SPG11: variants seen among roughly 807,000 people sequenced by gnomAD.
SPG11 encodes spatacsin.
A neutral mutation model predicts 274.0 loss-of-function variants in SPG11; 222 were observed. The observed-to-expected ratio is 0.81, with a 90% CI of 0.73 to 0.91. The LOEUF (loss-of-function observed/expected upper bound fraction) is 0.91. SPG11 is among the 40% of genes least tolerant of loss of function. The pLI is 0.00. For synonymous variants in SPG11, 1,144 were observed against 1,039.7 expected (o/e 1.10, Z -1.93); for missense variants, 3,114 against 2,872.7 (o/e 1.08, Z -1.92).
chr15:44,573,873 G>A, intron 31 of SPG11, 128 bp from the exon 32 acceptor site: 1 of 855,976 alleles, frequency 1.2e-6, no homozygotes, highest in Non-Finnish European at 1.9e-6. Flanking sequence ...ACCCTCAGCA[G>A]GAACCTTAGA....
intron 27 of SPG11, among the ~76,000 whole-genome samples, chr15:44,591,386 G>A (rs1306522846): frequency 6.6e-6 from 1 of 152,000 alleles, no homozygotes; most frequent in East Asian, 1.9e-4. Flanking sequence ...ATCCTCCTGA[G>A]TGTCCTTGTT....
chr15:44,663,242 G>C (rs1005222742), intron 1 of SPG11, 149 bp downstream of exon 1: 2 of 1,070,536 alleles, frequency 1.9e-6, no homozygotes, highest in Middle Eastern at 3.0e-4. Flanking sequence ...AGGAAACCAC[G>C]CTCGCCTCTG....
At chr15:44,594,412 C>A (rs1044347083) in intron 26 of SPG11, among the ~76,000 whole-genome samples, 6 of 151,488 alleles carry the variant, frequency 4.0e-5, no homozygotes, top group African/African-American at 1.2e-4. Context: ...AGTGACAGAG[C>A]GAGACTCTGT....
Position 44,600,601 on chromosome 15 carries a change from G to A in SPG11, c.3552C>T (p.Ser1184=), listed in dbSNP as rs367780059. 6.2e-6 allele frequency: 10 copies of A among 1,614,068 alleles called. No individual in the cohort carries two copies. The highest frequency in any genetic ancestry group is 5.1e-6 in the Non-Finnish European group (6 of 1,180,002). ...DAWSHLPHFS[S]PDLVNKYAIV... is the part of the protein sequence containing the mutation. ...TAGCATATTTATTAACCAGGTCAGG[G>A]CTAGAGAAATGTGGGAGATGACTCC... The change falls in exon 21 of 40, where the codon AGC becomes AGT. Residue 1184 remains serine, a synonymous_variant. Transcript: ENST00000261866.
intron 29 of SPG11, among the ~76,000 whole-genome samples, chr15:44,585,228 A>G (rs2082731459): frequency 6.6e-6 from 1 of 152,058 alleles, no homozygotes. Context: ...TATCTCCTAT[A>G]AATTATACAT....
At chr15:44,661,176 G>GCCCCA (rs1263345857) in intron 1 of SPG11, among the ~76,000 whole-genome samples, 4 of 152,120 alleles carry the variant, frequency 2.6e-5, no homozygotes, top group Non-Finnish European at 2.9e-5. Flanking sequence ...CTTGAAATGT[G>GCCCCA]GGGCAACTGA....
At chr15:44,580,482 A>T (rs907159659) in intron 30 of SPG11, among the ~76,000 whole-genome samples, 3 of 152,118 alleles carry the variant, frequency 2.0e-5, no homozygotes, top group South Asian at 2.1e-4. Context: ...AAAAAAGTTT[A>T]AAAAAAACTG....
intron 3 of SPG11, among the ~76,000 whole-genome samples, chr15:44,658,481 CAG>C (rs1380057513): frequency 6.9e-6 from 1 of 144,378 alleles, no homozygotes; most frequent in Non-Finnish European, 1.5e-5. Context: ...TTTTTTAAGA[CAG>C]AGTCTCAGTC....
intron 26 of SPG11, 30 bp from the exon 27 acceptor site, chr15:44,592,468 A>G (rs771043744): frequency 3.0e-6 from 4 of 1,320,236 alleles, no homozygotes; most frequent in Non-Finnish European, 4.4e-6. Flanking sequence ...AAAAATTACA[A>G]AATTTTGAAC....
intron 16 of SPG11, among the ~76,000 whole-genome samples, chr15:44,613,861 T>A (rs376941546): frequency 4.6e-5 from 7 of 152,310 alleles, no homozygotes; most frequent in African/African-American, 1.4e-4. Flanking sequence ...TTTAGCATAT[T>A]CAAACTTAAT....
chr15:44,614,682 T>C (rs1296215464), intron 16 of SPG11, among the ~76,000 whole-genome samples: 2 of 152,232 alleles, frequency 1.3e-5, no homozygotes, highest in African/African-American at 4.8e-5. Flanking sequence ...TCAAAGCCTG[T>C]TTCTTCATCC....
chr15:44,633,689 A>C, intron 7 of SPG11, 52 bp from the exon 8 acceptor site: 1 of 1,575,192 alleles, frequency 6.3e-7, no homozygotes, highest in Non-Finnish European at 8.7e-7. Context: ...TAGGAAAAAA[A>C]AATCAGGATT....
chr15:44,605,331 A>G (rs1396687707), intron 20 of SPG11, among the ~76,000 whole-genome samples: 2 of 152,188 alleles, frequency 1.3e-5, no homozygotes, highest in Non-Finnish European at 2.9e-5. Context: ...TCAAAATTCG[A>G]ACTTATAAAA....
rs545563689 is a variant in SPG11, at chr15:44,640,968, T to A, written c.1603-7331A>T. 2.0e-4 allele frequency among the ~76,000 whole-genome samples: 30 copies of A among 152,176 alleles called. 1 individual carries two copies. The highest frequency in any genetic ancestry group is 9.8e-4 in the Admixed American group (15 of 15,272). On this transcript the variant is annotated intron_variant, in intron 7 of 39. Coordinates refer to ENST00000261866, the MANE Select transcript of SPG11 (RefSeq NM_025137.4). ...TGGTCTCGATCTCTTGACTTTGCGATCTGCCTGCCTTGGCCTCCCAAAGTG... is the reference window on the plus strand; with the variant it reads ...TGGTCTCGATCTCTTGACTTTGCGAACTGCCTGCCTTGGCCTCCCAAAGTG...
chr15:44,588,450 T>C lies in SPG11; in HGVS notation c.4906+802A>G, dbSNP rs1463066481. The C allele has an allele frequency of 3.9e-5, 6 of 154,328 alleles. No individual in the cohort carries two copies. The East Asian group carries it at 1.1e-3, about 29-fold the overall frequency. 9.6% of individuals were successfully genotyped at this position (154,328 alleles called of 1,614,324 possible). ...ACAGGGTGTGGGAGTTAAGTCAGGG[T>C]GGTGGGAAAAATTGTAGAGGAAAAA... On this transcript the variant is annotated intron_variant, in intron 28 of 39. Transcript: ENST00000261866.
chr15:44,634,827 G>A lies in SPG11; in HGVS notation c.1603-1190C>T, dbSNP rs543512774. Among the ~76,000 whole-genome samples the A allele has an allele frequency of 4.6e-5, 7 of 151,786 alleles. No individual in the cohort carries two copies. In the South Asian group the frequency reaches 1.3e-3, roughly 27 times the overall value. On this transcript the variant is annotated intron_variant, in intron 7 of 39. Transcript: ENST00000261866. ...TCTGACCTCAGGTGAGGATCCTCCC[G>A]CCTAGGCCTCCCAAAGTGCTGGAAT...
intron 26 of SPG11, among the ~76,000 whole-genome samples, chr15:44,593,778 C>T (rs1371628066): frequency 1.4e-5 from 2 of 145,370 alleles, no homozygotes; most frequent in Non-Finnish European, 3.0e-5. Context: ...TTTTGAGACA[C>T]GGTCTTGCTC....
Position 44,583,933 on chromosome 15 carries a change from G to A in SPG11, c.5747C>T (p.Ala1916Val), listed in dbSNP as rs2140946431. 6.2e-7 allele frequency: 1 copy of A among 1,614,218 alleles called. No homozygotes were observed. The highest frequency in any genetic ancestry group is 8.5e-7 in the Non-Finnish European group (1 of 1,180,046). ...PDVALVLHCR[A>V]LASGEASMED... ...CATACTAGCTTCCCCTGAGGCCAGT[G>A]CTCTGCAGTGCAATACCAAGGCGAC... The change falls in exon 30 of 40, where the codon GCA becomes GTA. Residue 1916 changes from alanine (A) to valine (V), a missense_variant. Physicochemically the swap from Ala to Val is moderately conservative, Grantham distance 64. Transcript: ENST00000261866.
intron 8 of SPG11, among the ~76,000 whole-genome samples, chr15:44,630,505 T>C (rs2084029619): frequency 6.6e-6 from 1 of 152,188 alleles, no homozygotes; most frequent in South Asian, 2.1e-4. Flanking sequence ...TTTTAAAACA[T>C]CAGAGCATTA....
Sources: allele counts gnomAD v4.1 joint callset (sites outside exome capture counted in the v4.1 genomes callset), GRCh38; gene constraint gnomAD v4.1.1; transcripts MANE v1.5; gene names NCBI Gene and HGNC (gene_info 2026-07-23, HGNC 2026-07-21).